The following TMX3 variants were observed in gnomAD, a reference collection of about 807,000 sequenced individuals.
The protein encoded by TMX3 is protein disulfide-isomerase TMX3.
In TMX3, 40 loss-of-function variants were observed where a neutral mutation model predicts 64.4. The observed-to-expected ratio is 0.62, with a 90% confidence interval of 0.48 to 0.81. TMX3 has a LOEUF of 0.81. TMX3 is among the 30% of genes least tolerant of loss of function. The pLI is 0.00. For synonymous variants in TMX3, 189 were observed against 175.7 expected (o/e 1.08, Z -0.60); for missense variants, 497 against 534.5 (o/e 0.93, Z 0.69).
At chr18:68,685,284 G>A (rs557236201) in intron 10 of TMX3, among the ~76,000 whole-genome samples, 1 of 152,254 alleles carries the variant, frequency 6.6e-6, no homozygotes, top group African/African-American at 2.4e-5. Flanking sequence ...CATAAACCTG[G>A]CTCAGAGCAG....
At chr18:68,701,622 T>G (rs769267477) in intron 5 of TMX3, 123 bp downstream of exon 5, 3 of 1,537,788 alleles carry the variant, frequency 2.0e-6, no homozygotes, top group Admixed American at 1.9e-5. Context: ...ATACTTCACC[T>G]ATGAAGAATG....
At chr18:68,681,341 CTT>C (rs1746331089) in intron 13 of TMX3, 3 of 637,308 alleles carry the variant, frequency 4.7e-6, no homozygotes, top group African/African-American at 3.8e-5. Flanking sequence ...ATCTTTAAGT[CTT>C]TTCAAATTAT....
chr18:68,691,181 G>T, intron 9 of TMX3, 114 bp downstream of exon 9: 2 of 595,958 alleles, frequency 3.4e-6, no homozygotes, highest in South Asian at 1.1e-4. Flanking sequence ...CAAGTCATGA[G>T]AACTGTTATT....
At chr18:68,712,106 T>C (rs2031340293) in intron 2 of TMX3, among the ~76,000 whole-genome samples, 1 of 152,150 alleles carries the variant, frequency 6.6e-6, no homozygotes, top group South Asian at 2.1e-4. Flanking sequence ...GATGCAGTGT[T>C]CTTAAGGTAA....
At chr18:68,713,335 C>T (rs554079349) in intron 2 of TMX3, among the ~76,000 whole-genome samples, 1 of 152,098 alleles carries the variant, frequency 6.6e-6, no homozygotes, top group African/African-American at 2.4e-5. Context: ...CCTGGGAGGC[C>T]GAATCCTTGA....
In TMX3 at chr18:68,714,537, AG is replaced by A; in HGVS notation, c.46+398del. ...ATCTGTCCTCGACCACCCTCTCTTG[AG>A]TACTGGTGGTAAAAATCCTTAAACG... On this transcript the variant is annotated intron_variant, in intron 1 of 15. Transcript: ENST00000299608. 1.1e-5 allele frequency: 3 copies of A among 269,362 alleles called. No homozygotes were observed. In the South Asian group the frequency reaches 1.2e-4, roughly 11 times the overall value. 16.7% of individuals were successfully genotyped at this position (269,362 alleles called of 1,614,324 possible).
intron 8 of TMX3, among the ~76,000 whole-genome samples, chr18:68,694,874 A>C (rs1914904208): frequency 6.6e-6 from 1 of 152,210 alleles, no homozygotes; most frequent in African/African-American, 2.4e-5. Context: ...GTAATCTTAA[A>C]ATCTTTAAAC....
intron 8 of TMX3, 111 bp from the exon 9 acceptor site, chr18:68,691,472 C>A: frequency 1.6e-6 from 1 of 638,076 alleles, no homozygotes; most frequent in Non-Finnish European, 2.6e-6. Context: ...ATAAAAATAA[C>A]AAAAAAGAAT....
chr18:68,712,470 G>A lies in TMX3; in HGVS notation c.102-1067C>T, dbSNP rs75943080. Among the ~76,000 whole-genome samples, 236 of 152,238 alleles carry A rather than the reference G, an allele frequency of 1.6e-3. 1 individual carries two copies. The highest frequency in any genetic ancestry group is 5.5e-3 in the African/African-American group (230 of 41,544). On this transcript the variant is annotated intron_variant, in intron 2 of 15. Coordinates refer to ENST00000299608, the MANE Select transcript of TMX3 (RefSeq NM_019022.5). ...TGAGCCATCTCTTGTGGATCCCGGA[G>A]GCAACTGGTTGCACATCTGCTTGCT...
In TMX3 at chr18:68,714,797, C is replaced by A. The variant is rs2031767534; in HGVS notation, c.46+139G>T. The A allele has an allele frequency of 1.2e-5, 14 of 1,201,994 alleles. 1 individual carries two copies. The South Asian group carries it at 2.2e-4, about 19-fold the overall frequency. 74.5% of individuals were successfully genotyped at this position (1,201,994 alleles called of 1,614,324 possible). ...GCCAGGCAGGGTGGCGCGGCGGGGG[C>A]GGCAGGACGCTGCCGGGAATGGGTG... On this transcript the variant is annotated intron_variant, in intron 1 of 15. Transcript: ENST00000299608.
intron 13 of TMX3, chr18:68,681,491 T>C (rs1056134939): frequency 1.0e-6 from 1 of 984,044 alleles, no homozygotes; most frequent in East Asian, 1.1e-4. Flanking sequence ...TCTTGATTCT[T>C]CATTATATCC....
chr18:68,680,850 T>C (rs901079828), intron 14 of TMX3, 131 bp downstream of exon 14: 11 of 739,372 alleles, frequency 1.5e-5, no homozygotes, highest in East Asian at 6.0e-5. Flanking sequence ...ACAGAAGCAA[T>C]GTATGGAGGT....
chr18:68,710,640 G>A (rs972678976), intron 3 of TMX3, among the ~76,000 whole-genome samples: 1 of 152,158 alleles, frequency 6.6e-6, no homozygotes, highest in Non-Finnish European at 1.5e-5. Flanking sequence ...GGACAAGCCA[G>A]GTTGATTAAA....
chr18:68,703,917 G>A (rs2030388898), intron 4 of TMX3, among the ~76,000 whole-genome samples: 1 of 152,038 alleles, frequency 6.6e-6, no homozygotes, highest in Non-Finnish European at 1.5e-5. Context: ...GTGACAGAGT[G>A]AGACTCTGTC....
intron 15 of TMX3, among the ~76,000 whole-genome samples, chr18:68,677,988 A>T (rs1913083669): frequency 6.6e-6 from 1 of 152,276 alleles, no homozygotes; most frequent in East Asian, 1.9e-4. Flanking sequence ...TTAGATGGAC[A>T]GAGTATTCTG....
chr18:68,683,978 A>G (rs1913697719), intron 12 of TMX3, among the ~76,000 whole-genome samples: 1 of 152,154 alleles, frequency 6.6e-6, no homozygotes, highest in Non-Finnish European at 1.5e-5. Context: ...AGACAAAATT[A>G]TAGTATATGT....
At chr18:68,695,442 T>A (rs1568190440) in intron 8 of TMX3, among the ~76,000 whole-genome samples, 1 of 152,222 alleles carries the variant, frequency 6.6e-6, no homozygotes, top group African/African-American at 2.4e-5. Context: ...AACTGCTTAT[T>A]TGATGCTTAT....
rs1409239933 is a variant in TMX3 at position 68,684,179 on chromosome 18, T to A, written c.848+11A>T. On this transcript the variant is annotated intron_variant, in intron 12 of 15. Transcript: ENST00000299608. The stretch of plus-strand genomic sequence containing the variant: ...AAAAATAAAGGAATCTCTCAGAATA[T>A]AAGCACCTACCTATGGAAGAGGTCT... 4 of 1,593,926 alleles carry A rather than the reference T, an allele frequency of 2.5e-6. No individual in the cohort carries two copies. In the South Asian group the frequency reaches 4.5e-5, roughly 18 times the overall value.
chr18:68,684,166 A>G, intron 12 of TMX3, 24 bp downstream of exon 12: 1 of 1,559,992 alleles, frequency 6.4e-7, no homozygotes. Flanking sequence ...AAATAAAGGA[A>G]TCTCTCAGAA....
Sources: allele counts gnomAD v4.1 joint callset (sites outside exome capture counted in the v4.1 genomes callset), GRCh38; gene constraint gnomAD v4.1.1; transcripts MANE v1.5; gene names NCBI Gene and HGNC (gene_info 2026-07-23, HGNC 2026-07-21).